The following MAGI3 variants were observed in gnomAD, a reference collection of about 807,000 sequenced individuals.
MAGI3 encodes the protein membrane-associated guanylate kinase, WW and PDZ domain-containing protein 3.
In MAGI3, 43 loss-of-function variants were observed where a neutral mutation model predicts 121.8. The ratio of observed to expected loss-of-function variants is 0.35; its 90% confidence interval spans 0.28 to 0.46. The LOEUF is 0.46. Among genes scored for constraint, MAGI3 ranks in the 20% least tolerant of loss-of-function variants. The probability of loss-of-function intolerance (pLI) is 1.00; values close to 1 mark genes in which losing one functional copy is unlikely to be tolerated. For synonymous variants in MAGI3, 553 were observed against 639.3 expected, an observed-to-expected ratio of 0.86 and a Z score of 2.04; for missense variants, 1,547 against 1,797.3, an observed-to-expected ratio of 0.86 and a Z score of 2.52.
At chr1:113,464,398 G>A (rs181912454) in intron 1 of MAGI3, among the ~76,000 whole-genome samples, 12 of 152,036 alleles carry the variant, frequency 7.9e-5, no homozygotes, top group Admixed American at 7.2e-4. Flanking sequence ...CCATTCATCT[G>A]TTAATGAGCA....
intron 9 of MAGI3, among the ~76,000 whole-genome samples, 162 bp downstream of exon 9, chr1:113,623,156 G>T (rs1266878354): frequency 6.6e-6 from 1 of 151,750 alleles, no homozygotes; most frequent in Non-Finnish European, 1.5e-5. Context: ...AAAAAAAGTT[G>T]TATGGGTATA....
chr1:113,605,662 CA>C (rs1313575340), intron 6 of MAGI3, among the ~76,000 whole-genome samples: 1 of 152,024 alleles, frequency 6.6e-6, no homozygotes, highest in Non-Finnish European at 1.5e-5. Context: ...TGCAGTGGCG[CA>C]ATCTTGGATC....
intron 16 of MAGI3, among the ~76,000 whole-genome samples, chr1:113,665,838 C>A (rs1654018636): frequency 6.6e-6 from 1 of 152,008 alleles, no homozygotes; most frequent in Non-Finnish European, 1.5e-5. Flanking sequence ...AATACACTTT[C>A]TTTTAAGTGT....
chr1:113,511,633 T>C (rs149511194), intron 1 of MAGI3, among the ~76,000 whole-genome samples: 2 of 152,358 alleles, frequency 1.3e-5, no homozygotes, highest in East Asian at 3.9e-4. Context: ...TGGCTAAGGT[T>C]TAAAATTGAA....
chr1:113,537,014 T>G (rs1372096032), intron 1 of MAGI3, among the ~76,000 whole-genome samples: 2 of 152,190 alleles, frequency 1.3e-5, no homozygotes, highest in African/African-American at 2.4e-5. Flanking sequence ...CCAGTCTAAT[T>G]TTCTTACTTC....
chr1:113,477,456 T>C (rs2101554756), intron 1 of MAGI3, among the ~76,000 whole-genome samples: 1 of 152,306 alleles, frequency 6.6e-6, no homozygotes, highest in African/African-American at 2.4e-5. Flanking sequence ...TGCTTGTCTG[T>C]ATAGGATTTT....
chr1:113,407,978 A>G (rs1346981453), intron 1 of MAGI3, among the ~76,000 whole-genome samples: 2 of 152,096 alleles, frequency 1.3e-5, no homozygotes, highest in Admixed American at 1.3e-4. Flanking sequence ...GAATTGGAAC[A>G]TTTTCAGATG....
chr1:113,599,401 C>T (rs1054772323), intron 6 of MAGI3, among the ~76,000 whole-genome samples: 2 of 152,080 alleles, frequency 1.3e-5, no homozygotes, highest in Admixed American at 6.5e-5. Flanking sequence ...CACCACCGAT[C>T]CCACAGAAAT....
At chr1:113,471,330 C>T (rs1422899888) in intron 1 of MAGI3, among the ~76,000 whole-genome samples, 4 of 152,288 alleles carry the variant, frequency 2.6e-5, no homozygotes. Context: ...AATTGAAAAA[C>T]TCACAAATAT....
intron 6 of MAGI3, among the ~76,000 whole-genome samples, chr1:113,600,753 C>T (rs1345740817): frequency 2.0e-5 from 3 of 152,030 alleles, no homozygotes; most frequent in Middle Eastern, 3.2e-3. Context: ...AAAAAGAGTC[C>T]GCATTGCCAA....
At chr1:113,584,234 TA>T (rs1648221717) in intron 3 of MAGI3, among the ~76,000 whole-genome samples, 1 of 152,158 alleles carries the variant, frequency 6.6e-6, no homozygotes, top group Admixed American at 6.6e-5. Context: ...GCATAATGAT[TA>T]ATAGAATGTC....
intron 1 of MAGI3, among the ~76,000 whole-genome samples, chr1:113,513,650 G>A (rs981109675): frequency 2.6e-5 from 4 of 152,170 alleles, no homozygotes; most frequent in African/African-American, 7.2e-5. Context: ...AGACTTAAAC[G>A]TTAGACCTAA....
intron 6 of MAGI3, among the ~76,000 whole-genome samples, chr1:113,595,046 A>G (rs1229538310): frequency 6.6e-6 from 1 of 152,204 alleles, no homozygotes; most frequent in Non-Finnish European, 1.5e-5. Context: ...ACACATATAC[A>G]CACTTACTTT....
chr1:113,580,859 A>G (rs948481229), intron 3 of MAGI3, 198 bp downstream of exon 3: 2 of 389,254 alleles, frequency 5.1e-6, no homozygotes, highest in African/African-American at 2.1e-5. Flanking sequence ...AAAAAAATCC[A>G]TCATATTTTA....
At chr1:113,585,346 T>G (rs2101727221) in intron 3 of MAGI3, 41 bp from the exon 4 acceptor site, 2 of 1,581,288 alleles carry the variant, frequency 1.3e-6, no homozygotes. Context: ...TGACTCTCAC[T>G]GCAACATTAG....
intron 1 of MAGI3, among the ~76,000 whole-genome samples, chr1:113,437,890 CT>C (rs1557757279): frequency 7.7e-4 from 2 of 2,590 alleles, no homozygotes; most frequent in Admixed American, 5.8e-3. Context: ...CCTTCTCCTT[CT>C]CCTTCTCCTT....
intron 6 of MAGI3, among the ~76,000 whole-genome samples, chr1:113,600,574 G>C (rs1649304686): frequency 6.7e-6 from 1 of 148,582 alleles, no homozygotes; most frequent in South Asian, 2.2e-4. Flanking sequence ...AATAAAAGAG[G>C]ATACAAGAAA....
chr1:113,494,162 A>G (rs1226571258), intron 1 of MAGI3, among the ~76,000 whole-genome samples: 1 of 152,168 alleles, frequency 6.6e-6, no homozygotes, highest in Non-Finnish European at 1.5e-5. Context: ...GGAAATATAC[A>G]CCATGGCATT....
intron 1 of MAGI3, among the ~76,000 whole-genome samples, chr1:113,493,866 A>T (rs1656784032): frequency 6.6e-6 from 1 of 152,206 alleles, no homozygotes; most frequent in African/African-American, 2.4e-5. Flanking sequence ...GTCAAAAAAC[A>T]ACAGATGCTG....
Sources: gnomAD v4.1 joint callset for allele counts (sites outside exome capture counted in the v4.1 genomes callset) on GRCh38, gnomAD v4.1.1 for gene constraint, MANE v1.5 for transcripts, NCBI Gene and HGNC (gene_info 2026-07-23, HGNC 2026-07-21) for gene names.